PCDHGA9: variants seen among roughly 807,000 people sequenced by gnomAD.
PCDHGA9 encodes protocadherin gamma subfamily A, 9.
In PCDHGA9, 37 loss-of-function variants were observed where a neutral mutation model predicts 62.5. The observed-to-expected ratio is 0.59, with a 90% CI of 0.46 to 0.78. The LOEUF (loss-of-function observed/expected upper bound fraction) is 0.78. Among genes scored for constraint, PCDHGA9 ranks in the 30% least tolerant of loss-of-function variants. The pLI is 0.00. For synonymous variants in PCDHGA9, 459 were observed against 484.6 expected (o/e 0.95, Z 0.69); for missense variants, 1,138 against 1,166.2 (o/e 0.98, Z 0.35).
rs1228153118 is a variant in PCDHGA9 at position 141,433,077 on chromosome 5, C to G, written c.2424+27701C>G. 5.0e-6 allele frequency: 8 copies of G among 1,614,080 alleles called. No homozygotes were observed. The African/African-American group carries it at 6.7e-5, about 13-fold the overall frequency. On this transcript the variant is annotated intron_variant, in intron 1 of 3. Transcript: ENST00000573521. Reference sequence around the variant, plus strand: ...AAGAGTCACCTGATCTTCCCCCAGCCCAACTATGCAGACATGCTCGTCAGC... The same window carrying G: ...AAGAGTCACCTGATCTTCCCCCAGCGCAACTATGCAGACATGCTCGTCAGC...
At chr5:141,413,956 G>C in intron 1 of PCDHGA9, 11 of 1,613,484 alleles carry the variant, frequency 6.8e-6, no homozygotes, top group Non-Finnish European at 9.3e-6. Context: ...GAATTTGCCT[G>C]TGGGCACTCA....
Position 141,422,468 on chromosome 5 carries a change from A to T in PCDHGA9, c.2424+17092A>T, listed in dbSNP as rs555211298. On this transcript the variant is annotated intron_variant, in intron 1 of 3. Transcript: ENST00000573521. ...ATAACAAGCAGAGTGCTGGACAGGG[A>T]GTTGGTCCAGAGCTACAATATAACG... 59 of 1,613,640 alleles carry T rather than the reference A, an allele frequency of 3.7e-5. No homozygotes were observed. In the South Asian group the frequency reaches 4.7e-4, roughly 13 times the overall value.
chr5:141,425,869 C>G (rs1376765137), intron 1 of PCDHGA9, among the ~76,000 whole-genome samples: 1 of 152,198 alleles, frequency 6.6e-6, no homozygotes, highest in Non-Finnish European at 1.5e-5. Flanking sequence ...TATAGATTCC[C>G]ATCTCTAAGG....
intron 1 of PCDHGA9, among the ~76,000 whole-genome samples, chr5:141,444,359 C>T (rs942218966): frequency 7.9e-5 from 12 of 151,582 alleles, no homozygotes; most frequent in East Asian, 7.7e-4. Context: ...TTAGTAGAGA[C>T]GGGGTTTCTC....
chr5:141,408,013 CCA>C, intron 1 of PCDHGA9: 1 of 989,288 alleles, frequency 1.0e-6, no homozygotes, highest in Non-Finnish European at 1.4e-6. Flanking sequence ...CCCTGCGCAG[CCA>C]ACAACAGAAA....
rs1396618267 is a variant in PCDHGA9, at chr5:141,421,234, A to T, written c.2424+15858A>T. On this transcript the variant is annotated intron_variant, in intron 1 of 3. Coordinates refer to ENST00000573521, the MANE Select transcript of PCDHGA9 (RefSeq NM_018921.3). ...TATCGGCTTAGAGCCTGCCATGGCG[A>T]ATCGGCTACAGCGCGGGGACCGCAG... 7 of 1,593,656 alleles carry T rather than the reference A, an allele frequency of 4.4e-6. No homozygotes were observed. In the African/African-American group the frequency reaches 9.4e-5, roughly 21 times the overall value.
At chr5:141,456,837 C>G (rs550771859) in intron 1 of PCDHGA9, among the ~76,000 whole-genome samples, 70 of 152,194 alleles carry the variant, frequency 4.6e-4, no homozygotes, top group Non-Finnish European at 8.2e-4. Context: ...GTAGTGGGCG[C>G]CTGTAATCCC....
rs1349189547 is a variant in PCDHGA9 at position 141,432,777 on chromosome 5, C to A, written c.2424+27401C>A. 1.2e-6 allele frequency: 2 copies of A among 1,614,154 alleles called. No individual in the cohort carries two copies. The highest frequency in any genetic ancestry group is 1.3e-5 in the African/African-American group (1 of 75,062). ...GCCGACAGCATCCCCCAAGTCCTGGCGGACCTCGGCAGCCTCGAGTCTCCA... is the reference window on the plus strand; with the variant it reads ...GCCGACAGCATCCCCCAAGTCCTGGAGGACCTCGGCAGCCTCGAGTCTCCA... On this transcript the variant is annotated intron_variant, in intron 1 of 3. Transcript: ENST00000573521. This position sits in a 1 kb window ranked among gnomAD's most constrained non-coding sequence, Gnocchi z 6.0.
intron 1 of PCDHGA9, among the ~76,000 whole-genome samples, chr5:141,483,631 T>C (rs973545851): frequency 2.7e-5 from 4 of 149,022 alleles, no homozygotes; most frequent in African/African-American, 1.0e-4. Flanking sequence ...TGGGAGAAGG[T>C]ATAGAGGGGT....
chr5:141,403,136 C>G lies in PCDHGA9; in HGVS notation c.184C>G (p.Arg62Gly). 6.2e-7 allele frequency: 1 copy of G among 1,614,006 alleles called. No homozygotes were observed. Reference protein sequence around the residue: ...LALEPRELAERRVRIVSRGRT... With the variant: ...LALEPRELAEGRVRIVSRGRT... The stretch of plus-strand genomic sequence containing the variant: ...TCTGGAGCCCCGGGAGCTGGCGGAG[C>G]GCCGAGTCCGCATCGTCTCTAGAGG... The change falls in exon 1 of 4, where the codon CGC (arginine) becomes GGC (glycine). Residue 62 changes from arginine to glycine, a missense_variant. Transcript: ENST00000573521.
At chr5:141,414,748 G>T (rs765780935) in intron 1 of PCDHGA9, 1 of 1,614,182 alleles carries the variant, frequency 6.2e-7, no homozygotes, top group South Asian at 1.1e-5. Context: ...CAGATCCTTC[G>T]ACTATGAGCA....
rs1297899765 is a variant in PCDHGA9, at chr5:141,431,815, C to T, written c.2424+26439C>T. ...CCCCAGAAGTGGTCCTCACCTCTCTCGCCAGCTCGGTTCCCGAAAACTCTC... is the reference window on the plus strand; with the variant it reads ...CCCCAGAAGTGGTCCTCACCTCTCTTGCCAGCTCGGTTCCCGAAAACTCTC... On this transcript the variant is annotated intron_variant, in intron 1 of 3. Transcript: ENST00000573521. The surrounding 1 kb of genome is among the most constrained non-coding windows in gnomAD (Gnocchi z 4.8). 5 of 1,614,124 alleles carry T rather than the reference C, an allele frequency of 3.1e-6. No homozygotes were observed. The Admixed American group carries it at 5.0e-5, about 16-fold the overall frequency.
intron 1 of PCDHGA9, chr5:141,410,801 A>G (rs2095424401): frequency 3.4e-6 from 2 of 587,942 alleles, no homozygotes; most frequent in Admixed American, 4.2e-5. Context: ...AAGTTGCTCT[A>G]TCTTTTTGTA....
At chr5:141,413,132 A>G in intron 1 of PCDHGA9, 1 of 1,542,144 alleles carries the variant, frequency 6.5e-7, no homozygotes, top group Non-Finnish European at 8.7e-7. Context: ...GAAACACACA[A>G]CGTGTCCAGT....
In PCDHGA9 at chr5:141,490,537, T is replaced by C; in HGVS notation, c.2425-4270T>C. On this transcript the variant is annotated intron_variant, in intron 1 of 3. Transcript: ENST00000573521. This position sits in a 1 kb window ranked among gnomAD's most constrained non-coding sequence, Gnocchi z 5.4. ...GCTGGCCAGCGATGCTGGTTCACCT[T>C]CCCTACACAAACATCTCACCATCAG... is the stretch of plus-strand genomic sequence containing the variant. 1.9e-6 allele frequency: 3 copies of C among 1,614,180 alleles called. No homozygotes were observed. The highest frequency in any genetic ancestry group is 8.5e-7 in the Non-Finnish European group (1 of 1,180,028).
intron 1 of PCDHGA9, chr5:141,419,043 ATTC>A (rs560207463): frequency 6.2e-5 from 100 of 1,613,840 alleles, no homozygotes; most frequent in Non-Finnish European, 8.1e-5. Context: ...TTTAAGATTC[ATTC>A]TTCTTCTAAT....
In PCDHGA9 at chr5:141,403,699, T is replaced by G. The variant is rs780425739; in HGVS notation, c.747T>G (p.Val249=). The change falls in exon 1 of 4, where the codon GTT becomes GTG. Residue 249 remains valine (V), a synonymous_variant. Transcript: ENST00000573521. ...TTTTTGCTCAACGGATTTACCGAGT[T>G]AAAGTCCTTGAGAACGTGCCCCCAG... ...APVFAQRIYR[V]KVLENVPPGT... 3.7e-6 allele frequency: 6 copies of G among 1,613,934 alleles called. No individual in the cohort carries two copies. The highest frequency in any genetic ancestry group is 2.2e-5 in the East Asian group (1 of 44,866).
At position 141,491,587 on chromosome 5, in the gene PCDHGA9, G is replaced by A. The variant is rs1177701526; in HGVS notation, c.2425-3220G>A. 1.2e-6 allele frequency: 2 copies of A among 1,613,834 alleles called. No individual in the cohort carries two copies. Among genetic ancestry groups the A allele is most frequent in the African/African-American group, 2.7e-5 (2 of 74,926 alleles). On this transcript the variant is annotated intron_variant, in intron 1 of 3. Coordinates refer to ENST00000573521, the MANE Select transcript of PCDHGA9 (RefSeq NM_018921.3). The surrounding 1 kb of genome is among the most constrained non-coding windows in gnomAD (Gnocchi z 6.9). ...CAGGACGTGCTTTTCACCGGCCTCG[G>A]ACGGCAGTGACTTCACTTTTCTAAG...
Position 141,489,465 on chromosome 5 carries a change from T to C in PCDHGA9, c.2425-5342T>C. On this transcript the variant is annotated intron_variant, in intron 1 of 3. Transcript: ENST00000573521. The surrounding 1 kb of genome is among the most constrained non-coding windows in gnomAD (Gnocchi z 4.5). The stretch of plus-strand genomic sequence containing the variant: ...GCTCTGAGGAGAATGGGCGCTATTT[T>C]TCCCTGAGCTTGATGAGTGGTGCCC... The C allele has an allele frequency of 1.2e-6, 2 of 1,614,082 alleles. No homozygotes were observed. The highest frequency in any genetic ancestry group is 1.3e-5 in the African/African-American group (1 of 75,042).
Sources: gnomAD v4.1 joint callset for allele counts (sites outside exome capture counted in the v4.1 genomes callset) on GRCh38, gnomAD v4.1.1 for gene constraint, Gnocchi (gnomAD v3.1) non-coding constraint, MANE v1.5 for transcripts, NCBI Gene and HGNC (gene_info 2026-07-23, HGNC 2026-07-21) for gene names.